Variants in RIMS2 observed in about 807,000 individuals in gnomAD.
The protein encoded by RIMS2 is regulating synaptic membrane exocytosis protein 2.
Under a neutral mutation model 174.4 loss-of-function variants are expected in RIMS2, and 59 were observed. The observed-to-expected ratio is 0.34, with a 90% CI of 0.27 to 0.42. The LOEUF (loss-of-function observed/expected upper bound fraction) is 0.42. RIMS2 is among the 10% of genes least tolerant of loss of function. The pLI is 1.00. For synonymous variants in RIMS2, 606 were observed against 572.5 expected (o/e 1.06, Z -0.84); for missense variants, 1,620 against 1,666.3 (o/e 0.97, Z 0.48).
chr8:103,703,136 A>G (rs914913978), intron 2 of RIMS2, among the ~76,000 whole-genome samples: 22 of 151,602 alleles, frequency 1.5e-4, no homozygotes, highest in African/African-American at 4.8e-4. Context: ...ATGCATCACC[A>G]TACCTGGCTA....
intron 1 of RIMS2, among the ~76,000 whole-genome samples, chr8:103,638,340 TATCAGTGG>T (rs1194561008): frequency 6.6e-6 from 1 of 152,126 alleles, no homozygotes; most frequent in African/African-American, 2.4e-5. Context: ...TGTTAGCATA[TATCAGTGG>T]ATCTTACCTG....
chr8:104,005,503 A>C (rs1011807531), intron 17 of RIMS2, among the ~76,000 whole-genome samples: 1 of 152,146 alleles, frequency 6.6e-6, no homozygotes, highest in Non-Finnish European at 1.5e-5. Flanking sequence ...AAGGAAGTTT[A>C]TTAACAATGG....
At chr8:103,861,324 G>A (rs1020120225) in intron 3 of RIMS2, among the ~76,000 whole-genome samples, 58 of 152,116 alleles carry the variant, frequency 3.8e-4, no homozygotes, top group African/African-American at 1.4e-3. Flanking sequence ...TCTTTTTGTG[G>A]TTGTATAATA....
chr8:103,513,473 A>G (rs1003822097), intron 1 of RIMS2, among the ~76,000 whole-genome samples: 5 of 152,222 alleles, frequency 3.3e-5, no homozygotes, highest in African/African-American at 1.2e-4. Flanking sequence ...ATATACTATA[A>G]GATATGTAAC....
At chr8:104,071,173 T>C (rs989854645) in intron 19 of RIMS2, among the ~76,000 whole-genome samples, 10 of 152,252 alleles carry the variant, frequency 6.6e-5, no homozygotes, top group African/African-American at 2.2e-4. Context: ...GGATTTCTTT[T>C]CTAATTTTGA....
At chr8:104,127,750 AAG>A (rs2098443752) in intron 19 of RIMS2, among the ~76,000 whole-genome samples, 1 of 152,248 alleles carries the variant, frequency 6.6e-6, no homozygotes, top group Admixed American at 6.5e-5. Context: ...AACAATAAAA[AAG>A]AAATAGAAAT....
intron 19 of RIMS2, among the ~76,000 whole-genome samples, chr8:104,155,729 A>G (rs1453549464): frequency 6.6e-6 from 1 of 152,066 alleles, no homozygotes; most frequent in African/African-American, 2.4e-5. Context: ...TGTTAGTTTC[A>G]ACTACACTAA....
At chr8:103,685,835 A>G (rs1300333897) in intron 1 of RIMS2, among the ~76,000 whole-genome samples, 1 of 152,150 alleles carries the variant, frequency 6.6e-6, no homozygotes, top group African/African-American at 2.4e-5. Context: ...CATAAATTTT[A>G]GAGCTAGCTG....
intron 2 of RIMS2, among the ~76,000 whole-genome samples, chr8:103,755,136 T>G (rs1435506522): frequency 6.6e-6 from 1 of 152,200 alleles, no homozygotes; most frequent in African/African-American, 2.4e-5. Context: ...GGTGACAAAA[T>G]CTCTCAGCAT....
intron 19 of RIMS2, among the ~76,000 whole-genome samples, chr8:104,058,756 G>C (rs1187975866): frequency 6.6e-6 from 1 of 152,148 alleles, no homozygotes; most frequent in Admixed American, 6.5e-5. Flanking sequence ...TAAGGCGTAA[G>C]GAAGGGATCC....
intron 1 of RIMS2, among the ~76,000 whole-genome samples, chr8:103,659,055 T>C (rs1399354368): frequency 1.3e-5 from 2 of 152,202 alleles, no homozygotes; most frequent in Non-Finnish European, 2.9e-5. Context: ...TCCTTGAGGA[T>C]ATTTAATTTT....
chr8:103,962,650 G>T (rs907035095), intron 15 of RIMS2, among the ~76,000 whole-genome samples: 5 of 151,896 alleles, frequency 3.3e-5, no homozygotes, highest in Non-Finnish European at 7.4e-5. Flanking sequence ...TTGAGACTGG[G>T]TCTCACTCTG....
rs776783896 is a variant in RIMS2 at position 104,148,776 on chromosome 8, C to T, written c.3335-96140C>T. 1.9e-6 allele frequency: 3 copies of T among 1,598,412 alleles called. No individual in the cohort carries two copies. In the Admixed American group the frequency reaches 5.0e-5, roughly 27 times the overall value. The stretch of plus-strand genomic sequence containing the variant: ...CAGTGGCAAAAAGCGGCGCTCTAGC[C>T]TTGGTGCCAAAATGGTAGCTATCGT... On this transcript the variant is annotated intron_variant, in intron 19 of 23. Transcript: ENST00000504942.
chr8:103,790,304 T>C (rs1029710386), intron 3 of RIMS2, among the ~76,000 whole-genome samples: 5 of 152,200 alleles, frequency 3.3e-5, no homozygotes, highest in African/African-American at 1.2e-4. Flanking sequence ...ATCTACTTTA[T>C]GTCTCTGGAG....
chr8:103,908,042 C>G (rs1162706755), intron 4 of RIMS2, among the ~76,000 whole-genome samples: 4 of 151,392 alleles, frequency 2.6e-5, no homozygotes, highest in Admixed American at 2.0e-4. Flanking sequence ...GCCACCGCGC[C>G]CGGCCTTTGT....
chr8:103,662,898 C>T (rs2096621347), intron 1 of RIMS2, among the ~76,000 whole-genome samples: 1 of 152,292 alleles, frequency 6.6e-6, no homozygotes, highest in South Asian at 2.1e-4. Flanking sequence ...AGGCCAGGCA[C>T]AGTTGCTCAC....
At chr8:103,942,996 G>A (rs2082887306) in intron 14 of RIMS2, 70 bp downstream of exon 16, 1 of 1,115,790 alleles carries the variant, frequency 9.0e-7, no homozygotes, top group Non-Finnish European at 1.3e-6. Flanking sequence ...ATGTGATAAA[G>A]AACTTGAAGA....
At chr8:104,185,188 A>C (rs1377565766) in intron 19 of RIMS2, among the ~76,000 whole-genome samples, 1 of 151,506 alleles carries the variant, frequency 6.6e-6, no homozygotes, top group African/African-American at 2.4e-5. Flanking sequence ...CCTGAGAATA[A>C]GGCATACGAT....
At chr8:104,009,181 A>G (rs2095679762) in intron 17 of RIMS2, among the ~76,000 whole-genome samples, 1 of 151,822 alleles carries the variant, frequency 6.6e-6, no homozygotes, top group African/African-American at 2.4e-5. Context: ...TTCATTTTTA[A>G]TGTTTTCTAG....
Sources: allele counts gnomAD v4.1 joint callset (sites outside exome capture counted in the v4.1 genomes callset), GRCh38; gene constraint gnomAD v4.1.1; transcripts MANE v1.5; gene names NCBI Gene and HGNC (gene_info 2026-07-23, HGNC 2026-07-21).